ERMP1: variants seen among roughly 807,000 people sequenced by gnomAD.
The protein encoded by ERMP1 is Felix-ina.
In ERMP1, 86 loss-of-function variants were observed where a neutral mutation model predicts 92.0. The observed-to-expected ratio is 0.93, with a 90% confidence interval of 0.79 to 1.12. The LOEUF is 1.12. Ranked by LOEUF, ERMP1 falls within the 50% of genes most tolerant of loss-of-function variation. The pLI is 0.00. For missense variants in ERMP1, 1,342 were observed against 1,116.3 expected (o/e 1.20, Z -2.88); for synonymous variants, 530 against 412.8 (o/e 1.28, Z -3.44).
intron 4 of ERMP1, among the ~76,000 whole-genome samples, chr9:5,814,645 G>A (rs569697706): frequency 6.4e-4 from 98 of 152,278 alleles, no homozygotes; most frequent in African/African-American, 2.2e-3. Context: ...CAGGAGAATT[G>A]CTTAGACCTG....
At chr9:5,804,846 C>G (rs1256624051) in intron 10 of ERMP1, among the ~76,000 whole-genome samples, 181 bp downstream of exon 10, 1 of 151,656 alleles carries the variant, frequency 6.6e-6, no homozygotes, top group Non-Finnish European at 1.5e-5. Flanking sequence ...CAACAACAAA[C>G]TCTATACTAC....
rs143416391 is a variant in ERMP1 at position 5,789,125 on chromosome 9, T to A, written c.2387-1532A>T. On this transcript the variant is annotated intron_variant, in intron 13 of 14. Transcript: ENST00000339450. ...TTAAAACTGTAATCCAAGAAAGCAT[T>A]CCAGAAACAAAAAGAGAGCTGAATC... is the stretch of plus-strand genomic sequence containing the variant. Among the ~76,000 whole-genome samples, 10 of 151,842 alleles carry A rather than the reference T, an allele frequency of 6.6e-5. No individual in the cohort carries two copies. In the East Asian group the frequency reaches 1.9e-3, roughly 29 times the overall value.
chr9:5,837,674 G>T (rs1363493700), upstream of ERMP1, among the ~76,000 whole-genome samples: 1 of 152,100 alleles, frequency 6.6e-6, no homozygotes, highest in Non-Finnish European at 1.5e-5. Context: ...TTCTGTTCGT[G>T]TGTGTGTGTA....
At chr9:5,811,424 A>C in intron 6 of ERMP1, 101 bp from the exon 7 acceptor site, 1 of 849,156 alleles carries the variant, frequency 1.2e-6, no homozygotes. Context: ...AAGCAGAAAT[A>C]AACCATATAC....
chr9:5,852,076 T>C (rs570861511), intron 6 of ERMP1, among the ~76,000 whole-genome samples: 3 of 152,174 alleles, frequency 2.0e-5, no homozygotes, highest in Non-Finnish European at 4.4e-5. Context: ...GCAACATACA[T>C]ACATGCTCAA....
intron 10 of ERMP1, among the ~76,000 whole-genome samples, chr9:5,802,223 G>A (rs570560009): frequency 2.6e-5 from 4 of 152,294 alleles, no homozygotes; most frequent in Non-Finnish European, 5.9e-5. Context: ...GTATACAAAT[G>A]TGAGATGTGT....
At chr9:5,794,051 C>T (rs1335842673) in intron 13 of ERMP1, among the ~76,000 whole-genome samples, 4 of 152,018 alleles carry the variant, frequency 2.6e-5, no homozygotes, top group Non-Finnish European at 5.9e-5. Flanking sequence ...TATCATAAAG[C>T]ACACCTTAAC....
chr9:5,789,008 G>T (rs952589597), intron 13 of ERMP1, among the ~76,000 whole-genome samples: 5 of 152,144 alleles, frequency 3.3e-5, no homozygotes, highest in African/African-American at 1.2e-4. Context: ...AGTAAAAAAG[G>T]TTAGCGATAG....
intron 8 of ERMP1, among the ~76,000 whole-genome samples, chr9:5,806,428 CTTT>C (rs772362220): frequency 4.3e-5 from 6 of 140,212 alleles, no homozygotes; most frequent in Non-Finnish European, 6.2e-5. Context: ...GCCATATAAA[CTTT>C]TTTTTTTTTT....
intron 4 of ERMP1, among the ~76,000 whole-genome samples, chr9:5,817,555 A>G (rs1264488946): frequency 6.6e-6 from 1 of 152,256 alleles, no homozygotes; most frequent in Non-Finnish European, 1.5e-5. Context: ...TATCTTACAG[A>G]GTAAGGTGGC....
chr9:5,837,593 G>A (rs1830109137), upstream of ERMP1, among the ~76,000 whole-genome samples: 1 of 152,138 alleles, frequency 6.6e-6, no homozygotes, highest in Middle Eastern at 3.4e-3. Flanking sequence ...ACAAATGGAG[G>A]ACATGATTTT....
chr9:5,807,275 G>A (rs2131230151), intron 8 of ERMP1, among the ~76,000 whole-genome samples: 1 of 152,196 alleles, frequency 6.6e-6, no homozygotes, highest in Non-Finnish European at 1.5e-5. Flanking sequence ...TGGCCCCATT[G>A]ATTTTTAGAA....
chr9:5,862,379 C>G (rs1159416092), intron 5 of ERMP1, among the ~76,000 whole-genome samples: 2 of 152,038 alleles, frequency 1.3e-5, no homozygotes, highest in Non-Finnish European at 2.9e-5. Flanking sequence ...GTCATCCACA[C>G]TGGAGTGCAG....
chr9:5,865,347 A>G (rs899282971), intron 5 of ERMP1, among the ~76,000 whole-genome samples: 4 of 151,766 alleles, frequency 2.6e-5, no homozygotes, highest in Non-Finnish European at 5.9e-5. Flanking sequence ...CTCTACTAAC[A>G]ATACAAAAAA....
upstream of ERMP1, among the ~76,000 whole-genome samples, chr9:5,838,032 G>C (rs1830114100): frequency 6.6e-6 from 1 of 152,178 alleles, no homozygotes; most frequent in Non-Finnish European, 1.5e-5. Context: ...ACATGGGCCA[G>C]GACTTGCAGT....
rs371831785 is a variant in ERMP1 at position 5,810,143 on chromosome 9, T to C, written c.1416A>G (p.Ala472=). Residue 472 remains alanine (A), a synonymous_variant, in exon 8 of 15, where the codon GCA becomes GCG. Transcript: ENST00000339450. ...ACTGTCCAATAAGAGAGATGAACAC[T>C]GCTATAATGAGAACGGTAACAAGGC... ...FTSLVTVLII[A]VFISLIGQSL... 6 of 1,613,920 alleles carry C rather than the reference T, an allele frequency of 3.7e-6. No individual in the cohort carries two copies. The highest frequency in any genetic ancestry group is 5.1e-6 in the Non-Finnish European group (6 of 1,179,918).
chr9:5,834,002 T>C (rs1830047780), upstream of ERMP1, among the ~76,000 whole-genome samples: 1 of 152,202 alleles, frequency 6.6e-6, no homozygotes. Flanking sequence ...GCATGAGCAT[T>C]AACCTAGAGA....
chr9:5,824,657 TCCC>T lies in ERMP1; in HGVS notation c.768+432_768+434del, dbSNP rs142966498. On this transcript the variant is annotated intron_variant, in intron 3 of 14. Transcript: ENST00000339450. Reference sequence around the variant, plus strand: ...ACCTCGTGATCTGCCTGCCTCGGCCTCCCAAAGTGCTGGGATTATAGGCATGAG... The same window carrying T: ...ACCTCGTGATCTGCCTGCCTCGGCCTAAAGTGCTGGGATTATAGGCATGAG... 3.3e-3 allele frequency among the ~76,000 whole-genome samples: 507 copies of T among 152,138 alleles called. 2 individuals carry two copies. The highest frequency in any genetic ancestry group is 0.012 in the African/African-American group (496 of 41,492).
At chr9:5,833,119 G>C (rs1377705214), upstream of ERMP1, 11 of 1,170,560 alleles carry the variant, frequency 9.4e-6, no homozygotes, top group Non-Finnish European at 1.1e-5. Context: ...GCGCCTCCTA[G>C]TGAGCGGACG....
Sources: gnomAD v4.1 joint callset for allele counts (sites outside exome capture counted in the v4.1 genomes callset) on GRCh38, gnomAD v4.1.1 for gene constraint, MANE v1.5 for transcripts, NCBI Gene and HGNC (gene_info 2026-07-23, HGNC 2026-07-21) for gene names.